The following POLDIP3 variants were observed in gnomAD, a reference collection of about 807,000 sequenced individuals.
POLDIP3 encodes DNA polymerase delta interacting protein 3.
A neutral mutation model predicts 45.1 loss-of-function variants in POLDIP3; 14 were observed. That is an observed-to-expected ratio of 0.31 (90% CI 0.20 to 0.49). POLDIP3 has a LOEUF of 0.49. Among genes scored for constraint, POLDIP3 ranks in the 20% least tolerant of loss-of-function variants. The pLI, the probability that POLDIP3 is intolerant of heterozygous loss-of-function variation, is 0.99. For synonymous variants in POLDIP3, 223 were observed against 205.2 expected (o/e 1.09, Z -0.74); for missense variants, 511 against 538.8 (o/e 0.95, Z 0.51).
At chr22:42,586,725 C>CT (rs1292742756) in intron 8 of POLDIP3, among the ~76,000 whole-genome samples, 1 of 152,172 alleles carries the variant, frequency 6.6e-6, no homozygotes, top group African/African-American at 2.4e-5. Context: ...AAATCCTAGT[C>CT]TTTTTAAATC....
At chr22:42,593,018 G>A (rs144270605) in intron 6 of POLDIP3, among the ~76,000 whole-genome samples, 27 of 152,290 alleles carry the variant, frequency 1.8e-4, no homozygotes, top group African/African-American at 6.0e-4. Flanking sequence ...TTCCAGAACC[G>A]CTCGCAGATA....
rs935665568 is a variant in POLDIP3 at position 42,607,393 on chromosome 22, G to T, written c.60-4233C>A. Among the ~76,000 whole-genome samples the T allele has an allele frequency of 2.0e-5, 3 of 152,238 alleles. No homozygotes were observed. The South Asian group carries it at 6.2e-4, about 32-fold the overall frequency. On this transcript the variant is annotated intron_variant, in intron 1 of 8. Transcript: ENST00000252115. ...CTCCCGAGGTGCCGGGATTGCAGAC[G>T]GAGTCTCGCTCAATCAGTGCTCGTT... is the stretch of plus-strand genomic sequence containing the variant.
chr22:42,603,105 C>G lies in POLDIP3; in HGVS notation c.115G>C (p.Gly39Arg). 1 of 1,614,156 alleles carries G rather than the reference C, an allele frequency of 6.2e-7. No homozygotes were observed. Residue 39 changes from glycine to arginine, a missense_variant, in exon 2 of 9, where the codon GGC (glycine) becomes CGC (arginine). By Grantham distance (125) the Gly-to-Arg change is moderately radical. Coordinates refer to ENST00000252115, the MANE Select transcript of POLDIP3 (RefSeq NM_032311.5). ...GTGCGTGTTGACTGGCTGAGAAGGC[C>G]TTGCTGGATCCCAACTCGAGATCGG... ...GVRSRVGIQQ[G>R]LLSQSTRTAT...
chr22:42,603,176 G>A lies in POLDIP3; in HGVS notation c.60-16C>T, dbSNP rs1926511259. ...GGCATTAAGCCTGTAAATATAAATT[G>A]CAATCAATATTAAGTGGATCTGGGT... On this transcript the variant is annotated splice_polypyrimidine_tract_variant and intron_variant, in intron 1 of 8. Coordinates refer to ENST00000252115, the MANE Select transcript of POLDIP3 (RefSeq NM_032311.5). 3 of 1,610,676 alleles carry A rather than the reference G, an allele frequency of 1.9e-6. No homozygotes were observed. The highest frequency in any genetic ancestry group is 1.3e-5 in the African/African-American group (1 of 74,882).
At position 42,584,813 on chromosome 22, in the gene POLDIP3, C is replaced by G; in HGVS notation, c.*978G>C. On this transcript the variant is annotated 3_prime_UTR_variant, in exon 9 of 9. Transcript: ENST00000252115. The stretch of plus-strand genomic sequence containing the variant: ...TGGCAGCTGGATATATGCCTCCAGG[C>G]ATCCCTGACCACTGTCCTGTAGACA... The G allele has an allele frequency of 4.6e-6, 2 of 432,522 alleles. No homozygotes were observed. Among genetic ancestry groups the G allele is most frequent in the Non-Finnish European group, 9.2e-6 (2 of 217,200 alleles). The allele number at this position is 432,522 out of a possible 1,614,324, so 26.8% of individuals were successfully genotyped here.
chr22:42,587,223 G>A (rs1925365869), intron 8 of POLDIP3, among the ~76,000 whole-genome samples: 1 of 152,202 alleles, frequency 6.6e-6, no homozygotes, highest in Non-Finnish European at 1.5e-5. Flanking sequence ...CACACAGCTA[G>A]GAGACCCAAG....
intron 1 of POLDIP3, among the ~76,000 whole-genome samples, chr22:42,606,369 C>T (rs1043468877): frequency 6.6e-6 from 1 of 151,670 alleles, no homozygotes; most frequent in Non-Finnish European, 1.5e-5. Context: ...GTGGCTCACA[C>T]CATGTAATCT....
At chr22:42,606,959 A>G (rs1288254242) in intron 1 of POLDIP3, among the ~76,000 whole-genome samples, 1 of 152,198 alleles carries the variant, frequency 6.6e-6, no homozygotes, top group African/African-American at 2.4e-5. Context: ...AGAGTTAAGA[A>G]AAAAACTTCT....
At chr22:42,597,761 T>C (rs1296444961) in intron 4 of POLDIP3, 1 of 465,020 alleles carries the variant, frequency 2.2e-6, no homozygotes. Context: ...CAAACTGGCA[T>C]CATTCAGCTT....
At chr22:42,614,435 C>T (rs1186101828) in intron 1 of POLDIP3, among the ~76,000 whole-genome samples, 1 of 152,214 alleles carries the variant, frequency 6.6e-6, no homozygotes, top group South Asian at 2.1e-4. Flanking sequence ...GACCAGGCAG[C>T]GCCGAGATCA....
chr22:42,602,681 A>AT (rs1234045803), intron 2 of POLDIP3, 89 bp downstream of exon 2: 6 of 1,429,756 alleles, frequency 4.2e-6, no homozygotes, highest in Admixed American at 4.3e-5. Flanking sequence ...AGAGGATAGT[A>AT]TTTTTGCCCA....
intron 1 of POLDIP3, 81 bp downstream of exon 1, chr22:42,614,718 G>T: frequency 6.7e-7 from 1 of 1,491,408 alleles, no homozygotes; most frequent in Non-Finnish European, 9.3e-7. Flanking sequence ...CCTCCGCGTC[G>T]CTCCCGGATC....
rs768244462 is a variant in POLDIP3 at position 42,592,060 on chromosome 22, G to C, written c.916C>G (p.Leu306Val). ...IVELFCVCGALKRARLVHPGV... is the reference protein window; with the variant it reads ...IVELFCVCGAVKRARLVHPGV... The stretch of plus-strand genomic sequence containing the variant: ...GGATGGACCAGTCGAGCTCGCTTGA[G>C]GGCCCCACACACACAGAAAAGCTCC... Residue 306 changes from leucine (L) to valine (V), a missense_variant, in exon 7 of 9, where the codon CTC becomes GTC. Physicochemically the swap from Leu to Val is conservative, Grantham distance 32. This residue lies in a region of POLDIP3 where 66 missense variants were observed against 118.1 expected (regional missense o/e 0.56). Transcript: ENST00000252115. 2 of 1,614,242 alleles carry C rather than the reference G, an allele frequency of 1.2e-6. No individual in the cohort carries two copies. The highest frequency in any genetic ancestry group is 2.2e-5 in the South Asian group (2 of 91,086).
chr22:42,585,583 T>C lies in POLDIP3; in HGVS notation c.*208A>G, dbSNP rs1025513811. The C allele has an allele frequency of 5.1e-6, 3 of 586,802 alleles. No homozygotes were observed. The East Asian group carries it at 8.9e-5, about 17-fold the overall frequency. 36.3% of individuals were successfully genotyped at this position (586,802 alleles called of 1,614,324 possible). ...TTGGCGATGAGATGAAGAAACATAC[T>C]ACAGGAAACGTTAACGTAGAGAGAA... is the stretch of plus-strand genomic sequence containing the variant. On this transcript the variant is annotated 3_prime_UTR_variant, in exon 9 of 9. Transcript: ENST00000252115.
intron 1 of POLDIP3, chr22:42,603,825 C>T (rs368517537): frequency 3.3e-5 from 5 of 152,342 alleles, no homozygotes; most frequent in African/African-American, 9.6e-5. Context: ...TGGAAATGAT[C>T]GGGTACAGGG....
chr22:42,611,302 G>C (rs746055102), intron 1 of POLDIP3, among the ~76,000 whole-genome samples: 2 of 152,196 alleles, frequency 1.3e-5, no homozygotes, highest in African/African-American at 4.8e-5. Context: ...TTACAGGCAT[G>C]AGCAACCACT....
chr22:42,584,919 G>A lies in POLDIP3; in HGVS notation c.*872C>T, dbSNP rs1033001994. ...CTCCAAACCCAAGCACTGCACAATGGGAGGCTGAGCCTTTCAAAGGCCCAA... is the reference window on the plus strand; with the variant it reads ...CTCCAAACCCAAGCACTGCACAATGAGAGGCTGAGCCTTTCAAAGGCCCAA... On this transcript the variant is annotated 3_prime_UTR_variant, in exon 9 of 9. Transcript: ENST00000252115. 6 of 456,150 alleles carry A rather than the reference G, an allele frequency of 1.3e-5. No homozygotes were observed. Among genetic ancestry groups the A allele is most frequent in the Non-Finnish European group, 2.6e-5 (6 of 226,970 alleles). 28.3% of individuals were successfully genotyped at this position (456,150 alleles called of 1,614,324 possible).
intron 8 of POLDIP3, 26 bp from the exon 9 acceptor site, chr22:42,585,994 A>C (rs1270663461): frequency 6.4e-7 from 1 of 1,565,546 alleles, no homozygotes; most frequent in South Asian, 1.2e-5. Flanking sequence ...AAGAGTCAAA[A>C]ATTCTTGTCA....
At chr22:42,594,372 G>A (rs1265103157) in intron 6 of POLDIP3, among the ~76,000 whole-genome samples, 2 of 152,136 alleles carry the variant, frequency 1.3e-5, no homozygotes, top group Admixed American at 6.6e-5. Context: ...TTAGCCAGGC[G>A]TAGTGGCAGG....
Sources: gnomAD v4.1 joint callset for allele counts (sites outside exome capture counted in the v4.1 genomes callset) on GRCh38, gnomAD v4.1.1 for gene constraint, gnomAD v4.1.1 regional missense constraint, MANE v1.5 for transcripts, NCBI Gene and HGNC (gene_info 2026-07-23, HGNC 2026-07-21) for gene names.